BEND4: variants seen among roughly 807,000 people sequenced by gnomAD.
The protein encoded by BEND4 is BEN domain containing 4, also known as BEN domain-containing protein 4.
Under a neutral mutation model 54.7 loss-of-function variants are expected in BEND4, and 27 were observed. That is an observed-to-expected ratio of 0.49 (90% CI 0.36 to 0.68). The LOEUF is 0.68. BEND4 is among the 30% of genes least tolerant of loss of function. The probability of loss-of-function intolerance (pLI) is 0.00; values close to 1 mark genes in which losing one functional copy is unlikely to be tolerated. For synonymous variants in BEND4, 327 were observed against 299.5 expected, an observed-to-expected ratio of 1.09 and a Z score of -0.95; for missense variants, 702 against 697.2, an observed-to-expected ratio of 1.01 and a Z score of -0.08.
Position 42,151,917 on chromosome 4 carries a change from G to C in BEND4, c.227C>G (p.Pro76Arg). The C allele has an allele frequency of 1.0e-5, 13 of 1,256,030 alleles. No individual in the cohort carries two copies. Among genetic ancestry groups the C allele is most frequent in the Non-Finnish European group, 1.2e-5 (12 of 1,002,120 alleles). 77.8% of individuals were successfully genotyped at this position (1,256,030 alleles called of 1,614,324 possible). ...AAVSISSSEP[P>R]PQQFQAQSSY... The stretch of plus-strand genomic sequence containing the variant: ...GCTCTGCGCCTGGAACTGCTGCGGC[G>C]GCGGCTCGCTGCTGCTGATGGAGAC... The change falls in exon 2 of 6, where the codon CCG becomes CGG. Residue 76 changes from proline to arginine, a missense_variant. Pro to Arg is a moderately radical substitution (Grantham distance 103). Coordinates refer to ENST00000502486, the MANE Select transcript of BEND4 (RefSeq NM_207406.4).
chr4:42,143,766 T>C lies in BEND4; in HGVS notation c.716A>G (p.Lys239Arg), dbSNP rs771699994. The C allele has an allele frequency of 6.2e-7, 1 of 1,613,768 alleles. No homozygotes were observed. Among genetic ancestry groups the C allele is most frequent in the Non-Finnish European group, 8.5e-7 (1 of 1,179,740 alleles). The stretch of plus-strand genomic sequence containing the variant: ...CCTCAAAAAGGCAGAAGTTTGTTGT[T>C]TCCTTTGCATATACTGCATCTCTAT... ...VDIEMQYMQR[K>R]QQTSAFLRVF... Residue 239 changes from lysine (K) to arginine (R), a missense_variant, in exon 3 of 6, where the codon AAA (lysine) becomes AGA (arginine). Transcript: ENST00000502486.
At chr4:42,140,081 G>A (rs1720831947) in intron 3 of BEND4, among the ~76,000 whole-genome samples, 4 of 152,214 alleles carry the variant, frequency 2.6e-5, no homozygotes, top group Admixed American at 2.0e-4. Context: ...AATGGGCATT[G>A]AGAGGTAAGG....
At chr4:42,140,748 G>C (rs1191400921) in intron 3 of BEND4, among the ~76,000 whole-genome samples, 1 of 151,996 alleles carries the variant, frequency 6.6e-6, no homozygotes, top group Non-Finnish European at 1.5e-5. Context: ...TCAGGAATTA[G>C]ACAATAATAC....
At chr4:42,118,295 TACATGGGCTG>T (rs1270319439) in intron 5 of BEND4, among the ~76,000 whole-genome samples, 1 of 152,236 alleles carries the variant, frequency 6.6e-6, no homozygotes, top group Non-Finnish European at 1.5e-5. Context: ...GTCATTTCTA[TACATGGGCTG>T]ACAAATATTT....
intron 2 of BEND4, among the ~76,000 whole-genome samples, chr4:42,147,555 G>A (rs1438389183): frequency 7.0e-6 from 1 of 142,992 alleles, no homozygotes; most frequent in Non-Finnish European, 1.5e-5. Flanking sequence ...AAAATCAACA[G>A]TTTACAGAAG....
chr4:42,125,956 G>T (rs1233827739), intron 3 of BEND4, among the ~76,000 whole-genome samples: 2 of 151,774 alleles, frequency 1.3e-5, no homozygotes, highest in Admixed American at 6.6e-5. Context: ...GCCCAGGATG[G>T]TCTTGAGCTC....
intron 4 of BEND4, among the ~76,000 whole-genome samples, chr4:42,121,330 C>T (rs965683049): frequency 6.6e-6 from 1 of 152,152 alleles, no homozygotes; most frequent in African/African-American, 2.4e-5. Context: ...GCTAGGAAAC[C>T]GGCACGGAGT....
At chr4:42,143,296 T>C in intron 3 of BEND4, 132 bp downstream of exon 3, 1 of 808,596 alleles carries the variant, frequency 1.2e-6, no homozygotes, top group Non-Finnish European at 1.9e-6. Flanking sequence ...TCTACATCAC[T>C]GGCCAAAAAA....
At chr4:42,149,660 A>G (rs992726222) in intron 2 of BEND4, among the ~76,000 whole-genome samples, 1 of 152,208 alleles carries the variant, frequency 6.6e-6, no homozygotes, top group Non-Finnish European at 1.5e-5. Context: ...CAGAGACAAA[A>G]TAAACTAAAC....
At chr4:42,150,145 G>C (rs1015695856) in intron 2 of BEND4, among the ~76,000 whole-genome samples, 2 of 152,056 alleles carry the variant, frequency 1.3e-5, no homozygotes, top group Non-Finnish European at 2.9e-5. Context: ...ACAAGAAGTA[G>C]TTTAGGAGAA....
intron 3 of BEND4, among the ~76,000 whole-genome samples, chr4:42,136,289 C>T (rs1163288901): frequency 6.6e-6 from 1 of 152,120 alleles, no homozygotes; most frequent in Non-Finnish European, 1.5e-5. Context: ...TTGCAAAATT[C>T]CTGTTATCCA....
intron 4 of BEND4, among the ~76,000 whole-genome samples, chr4:42,122,184 C>T (rs1242076706): frequency 6.6e-6 from 1 of 152,194 alleles, no homozygotes; most frequent in Non-Finnish European, 1.5e-5. Flanking sequence ...TTGCACACTT[C>T]CCTCCTTTCT....
chr4:42,152,430 A>C, intron 1 of BEND4, 54 bp from the exon 2 acceptor site: 1 of 178,186 alleles, frequency 5.6e-6, no homozygotes, highest in Non-Finnish European at 1.2e-5. Flanking sequence ...TCTGCTAATG[A>C]TAATGGGGGC....
rs954564081 is a variant in BEND4, at chr4:42,116,667, T to C, written c.*851A>G. ...AGCGAATACCATCAGTCACACCACT[T>C]GTTTGGTCTTCAGTGCACCAAACAA... On this transcript the variant is annotated 3_prime_UTR_variant, in exon 6 of 6. Coordinates refer to ENST00000502486, the MANE Select transcript of BEND4 (RefSeq NM_207406.4). The C allele has an allele frequency of 5.3e-5, 8 of 152,232 alleles. No individual in the cohort carries two copies. The highest frequency in any genetic ancestry group is 1.9e-4 in the African/African-American group (8 of 41,458). The allele number at this position is 152,232 out of a possible 1,614,324, so 9.4% of individuals were successfully genotyped here.
intron 3 of BEND4, 112 bp downstream of exon 3, chr4:42,143,316 C>T: frequency 1.0e-6 from 1 of 978,794 alleles, no homozygotes; most frequent in Non-Finnish European, 1.5e-6. Context: ...ACAAAAAAAG[C>T]CCACACATAC....
intron 3 of BEND4, among the ~76,000 whole-genome samples, chr4:42,141,152 A>C (rs1008919225): frequency 1.3e-5 from 2 of 152,118 alleles, no homozygotes; most frequent in Non-Finnish European, 1.5e-5. Context: ...GGCGTGGGAA[A>C]ACACTACTCG....
At chr4:42,133,565 G>A (rs1199158549) in intron 3 of BEND4, among the ~76,000 whole-genome samples, 5 of 152,120 alleles carry the variant, frequency 3.3e-5, no homozygotes, top group Non-Finnish European at 7.4e-5. Context: ...TGTACAACTG[G>A]GAAAATGGGC....
At chr4:42,120,832 GA>G (rs138165667) in intron 4 of BEND4, among the ~76,000 whole-genome samples, 11,911 of 149,206 alleles carry the variant, frequency 0.08, 1,008 homozygotes, top group African/African-American at 0.21. Flanking sequence ...TGTGGAAACT[GA>G]AAAAAAAAAT....
At chr4:42,130,157 CA>C (rs1391747762) in intron 3 of BEND4, among the ~76,000 whole-genome samples, 1 of 152,110 alleles carries the variant, frequency 6.6e-6, no homozygotes, top group African/African-American at 2.4e-5. Flanking sequence ...AAAAGTTCAA[CA>C]ACACTGATCA....
Sources: allele counts gnomAD v4.1 joint callset (sites outside exome capture counted in the v4.1 genomes callset), GRCh38; gene constraint gnomAD v4.1.1; transcripts MANE v1.5; gene names NCBI Gene and HGNC (gene_info 2026-07-23, HGNC 2026-07-21).